TACR3: variants seen among roughly 807,000 people sequenced by gnomAD.
TACR3 encodes the protein tachykinin receptor 3.
In TACR3, 34 loss-of-function variants were observed where a neutral mutation model predicts 35.0. The observed-to-expected ratio is 0.97, with a 90% CI of 0.74 to 1.30. The LOEUF (loss-of-function observed/expected upper bound fraction) is 1.30, where lower values mean the gene tolerates loss of function less well. Ranked by LOEUF, TACR3 falls within the 50% of genes most tolerant of loss-of-function variation. TACR3 has a pLI of 0.00. For missense variants in TACR3, 558 were observed against 591.7 expected (o/e 0.94, Z 0.59); for synonymous variants, 233 against 221.1 (o/e 1.05, Z -0.48).
At chr4:103,681,421 T>C (rs1296444618) in intron 1 of TACR3, among the ~76,000 whole-genome samples, 3 of 152,048 alleles carry the variant, frequency 2.0e-5, no homozygotes, top group African/African-American at 7.2e-5. Context: ...GATCATAAAA[T>C]TTGTAGCTTA....
At chr4:103,707,789 G>A (rs771349819) in intron 1 of TACR3, among the ~76,000 whole-genome samples, 3 of 152,052 alleles carry the variant, frequency 2.0e-5, no homozygotes, top group South Asian at 2.1e-4. Flanking sequence ...TGGAAAATTG[G>A]GTCACTCCCA....
At chr4:103,684,247 T>C (rs1578256360) in intron 1 of TACR3, among the ~76,000 whole-genome samples, 1 of 152,120 alleles carries the variant, frequency 6.6e-6, no homozygotes. Context: ...TGGATAGGCA[T>C]ACAGATTCAA....
At chr4:103,647,309 C>T (rs2110323526) in intron 3 of TACR3, among the ~76,000 whole-genome samples, 1 of 151,788 alleles carries the variant, frequency 6.6e-6, no homozygotes, top group East Asian at 1.9e-4. Flanking sequence ...AATAGGTAGC[C>T]AAAATCTTTG....
intron 3 of TACR3, among the ~76,000 whole-genome samples, chr4:103,612,682 G>A (rs1023760315): frequency 3.3e-5 from 5 of 151,808 alleles, no homozygotes; most frequent in African/African-American, 1.2e-4. Flanking sequence ...TAATTTTTGT[G>A]TTTTTTAGTA....
intron 3 of TACR3, among the ~76,000 whole-genome samples, chr4:103,650,129 G>T (rs1309812955): frequency 2.0e-5 from 3 of 151,944 alleles, no homozygotes; most frequent in African/African-American, 7.3e-5. Flanking sequence ...AGATCCAGAG[G>T]AATTCTCTGG....
At chr4:103,714,920 G>A (rs1723054334) in intron 1 of TACR3, among the ~76,000 whole-genome samples, 1 of 152,022 alleles carries the variant, frequency 6.6e-6, no homozygotes, top group Non-Finnish European at 1.5e-5. Context: ...GGATCTTTGA[G>A]TACTTTGCAT....
At chr4:103,700,283 T>C (rs1357171446) in intron 1 of TACR3, among the ~76,000 whole-genome samples, 1 of 152,130 alleles carries the variant, frequency 6.6e-6, no homozygotes, top group African/African-American at 2.4e-5. Flanking sequence ...TTCTAGGTGG[T>C]ATAAACAGGC....
intron 3 of TACR3, among the ~76,000 whole-genome samples, chr4:103,605,598 A>G (rs1367922842): frequency 1.3e-5 from 2 of 151,758 alleles, no homozygotes; most frequent in Non-Finnish European, 2.9e-5. Context: ...ACATTTTTTC[A>G]TGTGTTTTTT....
At chr4:103,600,360 G>T (rs936063224) in intron 3 of TACR3, among the ~76,000 whole-genome samples, 1 of 151,708 alleles carries the variant, frequency 6.6e-6, no homozygotes, top group African/African-American at 2.4e-5. Flanking sequence ...TTCTTTATTA[G>T]TCTTGCTAGC....
chr4:103,665,456 G>A lies in TACR3; in HGVS notation c.549-7053C>T, dbSNP rs1176623842. 2.0e-5 allele frequency among the ~76,000 whole-genome samples: 3 copies of A among 152,036 alleles called. No homozygotes were observed. The East Asian group carries it at 5.8e-4, about 29-fold the overall frequency. ...GAATAGTGAAAGTATTTGTTTCTAT[G>A]TTATAGGCATTCAATTTAGATTTAG... On this transcript the variant is annotated intron_variant, in intron 1 of 4. Coordinates refer to ENST00000304883, the MANE Select transcript of TACR3 (RefSeq NM_001059.3).
At chr4:103,717,554 A>ATT (rs1723118063) in intron 1 of TACR3, among the ~76,000 whole-genome samples, 2 of 152,218 alleles carry the variant, frequency 1.3e-5, no homozygotes, top group African/African-American at 2.4e-5. Context: ...ATTGAAATAC[A>ATT]GATTTCACAT....
At chr4:103,602,405 CAGCTGTGTTCCGTTGCTGGTGAGG>C (rs1269774530) in intron 3 of TACR3, among the ~76,000 whole-genome samples, 4 of 152,174 alleles carry the variant, frequency 2.6e-5, no homozygotes, top group Non-Finnish European at 5.9e-5. Flanking sequence ...ATTCTCCATC[CAGCTGTGTTCCGTTGCTGGTGAGG>C]AGCTGTGTTC....
chr4:103,712,472 T>C (rs1722991782), intron 1 of TACR3, among the ~76,000 whole-genome samples: 1 of 152,160 alleles, frequency 6.6e-6, no homozygotes, highest in Admixed American at 6.5e-5. Flanking sequence ...CAAAAATTAA[T>C]TCAAGATGGA....
intron 1 of TACR3, among the ~76,000 whole-genome samples, chr4:103,660,981 A>G (rs1725829021): frequency 6.6e-6 from 1 of 152,100 alleles, no homozygotes; most frequent in African/African-American, 2.4e-5. Flanking sequence ...ACAGAAAGGA[A>G]AACTGAGGCT....
chr4:103,630,017 G>C (rs753737640), intron 3 of TACR3, among the ~76,000 whole-genome samples: 1 of 152,082 alleles, frequency 6.6e-6, no homozygotes, highest in Non-Finnish European at 1.5e-5. Context: ...ACAGAATAGA[G>C]CCCTCAGAAA....
At chr4:103,695,111 T>G (rs1722492828) in intron 1 of TACR3, among the ~76,000 whole-genome samples, 1 of 152,204 alleles carries the variant, frequency 6.6e-6, no homozygotes, top group African/African-American at 2.4e-5. Context: ...TCCATCAAAC[T>G]TCTACTATGG....
At chr4:103,605,036 T>C (rs1258025934) in intron 3 of TACR3, among the ~76,000 whole-genome samples, 3 of 146,342 alleles carry the variant, frequency 2.0e-5, no homozygotes, top group African/African-American at 5.1e-5. Flanking sequence ...TGTGTCCATG[T>C]GATCTCATTG....
intron 1 of TACR3, among the ~76,000 whole-genome samples, chr4:103,711,500 A>G (rs1050074090): frequency 6.6e-6 from 1 of 152,210 alleles, no homozygotes; most frequent in Non-Finnish European, 1.5e-5. Flanking sequence ...ATCTCAAAAT[A>G]ATAAGAGGTA....
At chr4:103,595,902 C>G (rs1258888644) in intron 3 of TACR3, among the ~76,000 whole-genome samples, 1 of 106,638 alleles carries the variant, frequency 9.4e-6, no homozygotes, top group Non-Finnish European at 1.8e-5. Context: ...CCTCCCCCCT[C>G]CCCCCACCCC....
Sources: gnomAD v4.1 joint callset for allele counts (sites outside exome capture counted in the v4.1 genomes callset) on GRCh38, gnomAD v4.1.1 for gene constraint, MANE v1.5 for transcripts, NCBI Gene and HGNC (gene_info 2026-07-23, HGNC 2026-07-21) for gene names.